The following KCNH7 variants were observed in gnomAD, a reference collection of about 807,000 sequenced individuals.
The protein encoded by KCNH7 is voltage-gated inwardly rectifying potassium channel KCNH7.
Under a neutral mutation model 120.8 loss-of-function variants are expected in KCNH7, and 49 were observed. That is an observed-to-expected ratio of 0.41 (90% CI 0.32 to 0.51). The LOEUF is 0.51. KCNH7 is among the 20% of genes least tolerant of loss of function. KCNH7 has a pLI of 0.38. For missense variants in KCNH7, 1,097 were observed against 1,446.6 expected, an observed-to-expected ratio of 0.76 and a Z score of 3.92; for synonymous variants, 547 against 516.1, an observed-to-expected ratio of 1.06 and a Z score of -0.81.
chr2:162,480,721 C>T (rs1689903667), intron 6 of KCNH7, among the ~76,000 whole-genome samples: 1 of 152,042 alleles, frequency 6.6e-6, no homozygotes, highest in African/African-American at 2.4e-5. Flanking sequence ...TACCTGAGAA[C>T]ATTGGGCCAG....
At chr2:162,599,676 G>A (rs1694490764) in intron 2 of KCNH7, among the ~76,000 whole-genome samples, 1 of 148,808 alleles carries the variant, frequency 6.7e-6, no homozygotes, top group South Asian at 2.1e-4. Context: ...TCTAATTTAT[G>A]TATCTCATAA....
chr2:162,783,103 G>A (rs1217011792), intron 2 of KCNH7, among the ~76,000 whole-genome samples: 1 of 152,142 alleles, frequency 6.6e-6, no homozygotes, highest in Non-Finnish European at 1.5e-5. Context: ...TCACTGTGGA[G>A]CCACAAAGGT....
chr2:162,728,547 G>A (rs1422015548), intron 2 of KCNH7, among the ~76,000 whole-genome samples: 2 of 152,210 alleles, frequency 1.3e-5, no homozygotes, highest in African/African-American at 2.4e-5. Flanking sequence ...GGGAGGCCAA[G>A]GCAGGCGGAT....
chr2:162,775,622 T>A (rs1168063633), intron 2 of KCNH7, among the ~76,000 whole-genome samples: 2 of 152,148 alleles, frequency 1.3e-5, no homozygotes, highest in Non-Finnish European at 1.5e-5. Context: ...AACTAATAGA[T>A]TTTTAGGACC....
chr2:162,512,073 G>T (rs1385681777), intron 5 of KCNH7, among the ~76,000 whole-genome samples: 1 of 151,666 alleles, frequency 6.6e-6, no homozygotes, highest in Non-Finnish European at 1.5e-5. Context: ...TATGGTAGTT[G>T]TAGGTCATGC....
chr2:162,698,736 C>T (rs1051320498), intron 2 of KCNH7, among the ~76,000 whole-genome samples: 2 of 151,876 alleles, frequency 1.3e-5, no homozygotes, highest in African/African-American at 4.8e-5. Context: ...AAAATGGAGA[C>T]CATAAGATAA....
At chr2:162,765,949 G>GT (rs1229742142) in intron 2 of KCNH7, among the ~76,000 whole-genome samples, 15 of 151,994 alleles carry the variant, frequency 9.9e-5, no homozygotes, top group Non-Finnish European at 2.1e-4. Flanking sequence ...TAGACATGGG[G>GT]TCTCACTATG....
At chr2:162,791,871 G>T (rs191960649) in intron 2 of KCNH7, among the ~76,000 whole-genome samples, 1 of 152,194 alleles carries the variant, frequency 6.6e-6, no homozygotes, top group East Asian at 1.9e-4. Flanking sequence ...TTTTCAGGGG[G>T]AATACTTCCA....
intron 7 of KCNH7, among the ~76,000 whole-genome samples, chr2:162,443,686 T>C (rs1400160684): frequency 6.6e-6 from 1 of 152,218 alleles, no homozygotes. Flanking sequence ...TCCCTGCTCC[T>C]AGCCTGACTC....
rs189183834 is a variant in KCNH7 at position 162,786,417 on chromosome 2, C to T, written c.307+50120G>A. On this transcript the variant is annotated intron_variant, in intron 2 of 15. Coordinates refer to ENST00000332142, the MANE Select transcript of KCNH7 (RefSeq NM_033272.4). Reference sequence around the variant, plus strand: ...ATAAGAGAACATGCACAGAGGTAAGCCAATTGTCCAAAGCCACACAATAAG... The same window carrying T: ...ATAAGAGAACATGCACAGAGGTAAGTCAATTGTCCAAAGCCACACAATAAG... Among the ~76,000 whole-genome samples, 26 of 152,172 alleles carry T rather than the reference C, an allele frequency of 1.7e-4. No individual in the cohort carries two copies. The East Asian group carries it at 4.8e-3, about 28-fold the overall frequency.
intron 9 of KCNH7, among the ~76,000 whole-genome samples, chr2:162,402,304 C>A (rs890272050): frequency 6.7e-6 from 1 of 150,118 alleles, no homozygotes; most frequent in Non-Finnish European, 1.5e-5. Context: ...ACCATTTAAA[C>A]CACTTCATTG....
rs374567992 is a variant in KCNH7 at position 162,654,157 on chromosome 2, CA to C, written c.308-117078del. On this transcript the variant is annotated intron_variant, in intron 2 of 15. Transcript: ENST00000332142. ...CAAAAATAGAAAAATGGATGAAATC[CA>C]AAAAAAAAGCTCATACATAACAAAG... 5.1e-3 allele frequency among the ~76,000 whole-genome samples: 721 copies of C among 142,318 alleles called. 10 individuals carry two copies. Among genetic ancestry groups the C allele is most frequent in the African/African-American group, 0.016 (639 of 38,766 alleles). 93.4% of individuals were successfully genotyped at this position (142,318 alleles called of 152,430 possible). A position where few individuals can be genotyped will look rare whatever the true frequency, so the allele number is the denominator to read the frequency against.
chr2:162,711,150 T>C (rs1231009348), intron 2 of KCNH7, among the ~76,000 whole-genome samples: 1 of 152,226 alleles, frequency 6.6e-6, no homozygotes, highest in Non-Finnish European at 1.5e-5. Flanking sequence ...CCAGAGTTAT[T>C]AAGGGGAAAT....
intron 2 of KCNH7, among the ~76,000 whole-genome samples, chr2:162,566,808 A>G (rs1693272513): frequency 6.6e-6 from 1 of 152,050 alleles, no homozygotes; most frequent in Non-Finnish European, 1.5e-5. Context: ...ATCAGCAGCT[A>G]TGAGAAAATT....
At chr2:162,471,404 A>G (rs1344896601) in intron 6 of KCNH7, among the ~76,000 whole-genome samples, 1 of 152,152 alleles carries the variant, frequency 6.6e-6, no homozygotes, top group East Asian at 1.9e-4. Context: ...ATTTGTGTGT[A>G]TGTATGCTTG....
intron 2 of KCNH7, among the ~76,000 whole-genome samples, chr2:162,660,420 G>A (rs1416712800): frequency 6.6e-6 from 1 of 151,982 alleles, no homozygotes; most frequent in East Asian, 1.9e-4. Context: ...GGATCTTTCA[G>A]TTATCTTTCT....
chr2:162,766,821 A>C (rs1219002404), intron 2 of KCNH7, among the ~76,000 whole-genome samples: 2 of 135,922 alleles, frequency 1.5e-5, no homozygotes, highest in Non-Finnish European at 3.1e-5. Flanking sequence ...GCTTCTAGTG[A>C]ATCTGTGCTC....
rs116798614 is a variant in KCNH7 at position 162,397,466 on chromosome 2, A to G, written c.2408-521T>C. Among the ~76,000 whole-genome samples the G allele has an allele frequency of 6.7e-3, 1,021 of 151,954 alleles. 8 individuals carry two copies. Among genetic ancestry groups the G allele is most frequent in the African/African-American group, 0.024 (981 of 41,506 alleles). On this transcript the variant is annotated intron_variant, in intron 10 of 15. Coordinates refer to ENST00000332142, the MANE Select transcript of KCNH7 (RefSeq NM_033272.4). ...TAACCACTTTTGAATCTGCCCTTAA[A>G]AAATATGCCCAATTGCTTAATAAAT...
chr2:162,459,478 G>T (rs1450490631), intron 6 of KCNH7, among the ~76,000 whole-genome samples: 1 of 152,122 alleles, frequency 6.6e-6, no homozygotes, highest in African/African-American at 2.4e-5. Flanking sequence ...TTGCAATCAG[G>T]TATGGCCATG....
Sources: gnomAD v4.1 joint callset for allele counts (sites outside exome capture counted in the v4.1 genomes callset) on GRCh38, gnomAD v4.1.1 for gene constraint, MANE v1.5 for transcripts, NCBI Gene and HGNC (gene_info 2026-07-23, HGNC 2026-07-21) for gene names.